Variants in KALRN observed in about 807,000 individuals in gnomAD.
KALRN encodes kalirin RhoGEF kinase, also known as kalirin.
Under a neutral mutation model 353.7 loss-of-function variants are expected in KALRN, and 70 were observed. That is an observed-to-expected ratio of 0.20 (90% CI 0.16 to 0.24). KALRN has a LOEUF of 0.24. KALRN is among the 10% of genes least tolerant of loss of function. The pLI, the probability that KALRN is intolerant of heterozygous loss-of-function variation, is 1.00. For synonymous variants in KALRN, 1,391 were observed against 1,434.8 expected, an observed-to-expected ratio of 0.97 and a Z score of 0.69; for missense variants, 2,791 against 3,756.7, an observed-to-expected ratio of 0.74 and a Z score of 6.72.
intron 47 of KALRN, among the ~76,000 whole-genome samples, 200 bp from the exon 48 acceptor site, chr3:124,671,460 C>T (rs1003631457): frequency 4.6e-5 from 7 of 152,326 alleles, no homozygotes; most frequent in Non-Finnish European, 5.9e-5. Flanking sequence ...ACCCTTGGCA[C>T]CTCACATATG....
At chr3:124,583,940 A>C (rs2074863693) in intron 34 of KALRN, among the ~76,000 whole-genome samples, 1 of 152,208 alleles carries the variant, frequency 6.6e-6, no homozygotes, top group African/African-American at 2.4e-5. Flanking sequence ...CAGGAGGATC[A>C]CTTGAGCCCA....
intron 1 of KALRN, among the ~76,000 whole-genome samples, chr3:124,144,975 A>G (rs1319337597): frequency 6.6e-6 from 1 of 152,184 alleles, no homozygotes; most frequent in Non-Finnish European, 1.5e-5. Flanking sequence ...TGTGTTCAAG[A>G]AAGCCCAGGA....
intron 33 of KALRN, among the ~76,000 whole-genome samples, chr3:124,531,687 CTTACTCA>C (rs1442190023): frequency 6.6e-6 from 1 of 152,114 alleles, no homozygotes; most frequent in African/African-American, 2.4e-5. Context: ...TCTCACAAAA[CTTACTCA>C]TTATCACAAG....
intron 34 of KALRN, among the ~76,000 whole-genome samples, chr3:124,591,352 G>C (rs552269346): frequency 6.6e-6 from 1 of 151,884 alleles, no homozygotes; most frequent in Admixed American, 6.6e-5. Flanking sequence ...TGCCCAAGCC[G>C]GTCTTGAACT....
intron 10 of KALRN, among the ~76,000 whole-genome samples, chr3:124,352,600 C>T (rs571525118): frequency 6.6e-6 from 1 of 151,980 alleles, no homozygotes; most frequent in Non-Finnish European, 1.5e-5. Context: ...AATAGAAAAA[C>T]ATGGGCACAA....
chr3:124,119,082 G>A (rs1418191735), intron 1 of KALRN, among the ~76,000 whole-genome samples: 1 of 152,174 alleles, frequency 6.6e-6, no homozygotes, highest in Non-Finnish European at 1.5e-5. Context: ...TCTGTGGCTG[G>A]GAGAGGTGGG....
chr3:124,347,371 C>CTATGTGTGTGTG (rs1553923040), intron 10 of KALRN, 106 bp downstream of exon 10: 1 of 563,826 alleles, frequency 1.8e-6, no homozygotes, highest in Non-Finnish European at 2.5e-6. Flanking sequence ...AGGTGAGAAG[C>CTATGTGTGTGTG]TGTGTGTGTG....
At chr3:124,282,819 G>A (rs939248260) in intron 5 of KALRN, among the ~76,000 whole-genome samples, 3 of 152,210 alleles carry the variant, frequency 2.0e-5, no homozygotes, top group African/African-American at 7.2e-5. Context: ...GGGTCTGGAA[G>A]CTGGAAACAC....
rs1170244221 is a variant in KALRN, at chr3:124,434,331, C to A, written c.2854C>A (p.Gln952Lys). ...GTCCCTCTTTCATGCCACTTCCTTG[C>A]AGAAGACGCACCAGAGTGCCCTGCA... ...IESLFHATSL[Q>K]KTHQSALQVQ... is the part of the protein sequence containing the mutation. Residue 952 changes from glutamine to lysine, a missense_variant, in exon 17 of 60, where the codon CAG becomes AAG. This residue lies in a region of KALRN where 452 missense variants were observed against 575.8 expected (regional missense o/e 0.78). Coordinates refer to ENST00000682506, the MANE Select transcript of KALRN (RefSeq NM_001388419.1). The A allele has an allele frequency of 6.2e-7, 1 of 1,612,886 alleles. No individual in the cohort carries two copies. The highest frequency in any genetic ancestry group is 8.5e-7 in the Non-Finnish European group (1 of 1,179,988).
chr3:124,451,042 A>G (rs2058725812), intron 21 of KALRN, among the ~76,000 whole-genome samples: 1 of 152,196 alleles, frequency 6.6e-6, no homozygotes, highest in Admixed American at 6.5e-5. Context: ...AAAATTGATA[A>G]GGAATATCAA....
chr3:124,304,127 AACACACACACAC>A (rs3055892), intron 6 of KALRN, among the ~76,000 whole-genome samples: 5 of 147,388 alleles, frequency 3.4e-5, no homozygotes, highest in African/African-American at 1.0e-4. Flanking sequence ...TTTTGTTGTA[AACACACACACAC>A]ACACACACAC....
chr3:124,406,832 CT>C (rs10686645), intron 13 of KALRN, among the ~76,000 whole-genome samples: 49 of 126,270 alleles, frequency 3.9e-4, no homozygotes, highest in Admixed American at 5.1e-4. Context: ...AGTTGCTTTG[CT>C]TTTTTTTTTT....
At chr3:124,440,597 T>G (rs1303023476) in intron 18 of KALRN, among the ~76,000 whole-genome samples, 2 of 150,982 alleles carry the variant, frequency 1.3e-5, no homozygotes, top group Non-Finnish European at 3.0e-5. Context: ...TTATAAAATT[T>G]TATAATTGTT....
chr3:124,153,652 C>A (rs1332881771), intron 1 of KALRN, among the ~76,000 whole-genome samples: 12 of 151,418 alleles, frequency 7.9e-5, no homozygotes, highest in Admixed American at 7.9e-4. Flanking sequence ...ATGGCTGGGT[C>A]AAATGGTATT....
chr3:124,291,933 C>T (rs943902132), intron 5 of KALRN, among the ~76,000 whole-genome samples: 1 of 152,222 alleles, frequency 6.6e-6, no homozygotes, highest in Non-Finnish European at 1.5e-5. Context: ...CATATCCCAG[C>T]TGCCTCCCCC....
chr3:124,322,701 A>C (rs979245206), intron 6 of KALRN, among the ~76,000 whole-genome samples: 6 of 152,070 alleles, frequency 3.9e-5, no homozygotes, highest in African/African-American at 1.4e-4. Context: ...ATGAGTAAGC[A>C]CTCCTATTTA....
intron 28 of KALRN, among the ~76,000 whole-genome samples, chr3:124,486,174 T>TA (rs922077206): frequency 1.2e-4 from 18 of 152,136 alleles, no homozygotes; most frequent in Non-Finnish European, 8.8e-5. Flanking sequence ...CTTCTCCTTA[T>TA]CATAAAGTAT....
chr3:124,572,212 T>C (rs920681555), intron 34 of KALRN, among the ~76,000 whole-genome samples: 2 of 151,316 alleles, frequency 1.3e-5, no homozygotes, highest in African/African-American at 2.4e-5. Flanking sequence ...TGGTCCCAGC[T>C]GCTGGGGGTG....
intron 1 of KALRN, among the ~76,000 whole-genome samples, chr3:124,201,748 C>T (rs558886213): frequency 6.6e-6 from 1 of 152,264 alleles, no homozygotes; most frequent in South Asian, 2.1e-4. Context: ...AAGTGATAGA[C>T]CTGGGAGTGT....
Sources: allele counts gnomAD v4.1 joint callset (sites outside exome capture counted in the v4.1 genomes callset), GRCh38; gene constraint gnomAD v4.1.1; regional missense constraint gnomAD v4.1.1; transcripts MANE v1.5; gene names NCBI Gene and HGNC (gene_info 2026-07-23, HGNC 2026-07-21).